LRRC4C: variants seen among roughly 807,000 people sequenced by gnomAD.
LRRC4C encodes the protein leucine rich repeat containing 4C.
In LRRC4C, 5 loss-of-function variants were observed where a neutral mutation model predicts 33.6. The observed-to-expected ratio is 0.15, with a 90% CI of 0.08 to 0.31. The LOEUF is 0.31. Ranked by LOEUF, LRRC4C falls within the 10% of genes least tolerant of loss-of-function variation. The pLI is 1.00. For missense variants in LRRC4C, 560 were observed against 796.7 expected, an observed-to-expected ratio of 0.70 and a Z score of 3.58; for synonymous variants, 329 against 302.0, an observed-to-expected ratio of 1.09 and a Z score of -0.93.
At chr11:41,006,388 C>A (rs916270543) in intron 1 of LRRC4C, among the ~76,000 whole-genome samples, 12 of 152,190 alleles carry the variant, frequency 7.9e-5, no homozygotes, top group African/African-American at 2.9e-4. Flanking sequence ...AGTGCTGTGG[C>A]AACCACATAA....
At chr11:41,255,781 C>G (rs1948780293) in intron 1 of LRRC4C, among the ~76,000 whole-genome samples, 1 of 151,848 alleles carries the variant, frequency 6.6e-6, no homozygotes, top group South Asian at 2.1e-4. Flanking sequence ...ACAGATTAAA[C>G]AACTCTGCTA....
intron 4 of LRRC4C, among the ~76,000 whole-genome samples, chr11:40,266,373 A>G (rs1443349892): frequency 6.6e-6 from 1 of 152,092 alleles, no homozygotes; most frequent in South Asian, 2.1e-4. Flanking sequence ...TTAATCCAGC[A>G]CTTTGGGAGT....
At chr11:40,843,050 T>C (rs1952986287) in intron 2 of LRRC4C, among the ~76,000 whole-genome samples, 1 of 152,190 alleles carries the variant, frequency 6.6e-6, no homozygotes, top group Admixed American at 6.6e-5. Context: ...CTATTGAGAT[T>C]CTAATCTCTA....
chr11:40,751,040 C>T (rs1023122391), intron 2 of LRRC4C, among the ~76,000 whole-genome samples: 3 of 151,314 alleles, frequency 2.0e-5, no homozygotes, highest in East Asian at 3.9e-4. Context: ...CAGTAGATGC[C>T]GAAAAACACA....
intron 1 of LRRC4C, among the ~76,000 whole-genome samples, chr11:41,027,377 G>C (rs551186208): frequency 5.6e-4 from 85 of 151,646 alleles, no homozygotes; most frequent in South Asian, 2.5e-3. Flanking sequence ...TCCATTTTCT[G>C]ACTCAGTCTT....
intron 1 of LRRC4C, among the ~76,000 whole-genome samples, chr11:41,227,879 GAATA>G (rs971372096): frequency 1.3e-5 from 2 of 151,718 alleles, no homozygotes; most frequent in African/African-American, 4.8e-5. Context: ...TTTTCTGTCT[GAATA>G]TTTTACATTC....
chr11:41,035,458 C>T (rs1857008664), intron 1 of LRRC4C, among the ~76,000 whole-genome samples: 1 of 152,072 alleles, frequency 6.6e-6, no homozygotes, highest in South Asian at 2.1e-4. Context: ...TCAACTCCCA[C>T]TTAAAAGTAA....
chr11:40,686,048 T>G (rs1418576828), intron 2 of LRRC4C, among the ~76,000 whole-genome samples: 1 of 151,968 alleles, frequency 6.6e-6, no homozygotes, highest in Non-Finnish European at 1.5e-5. Flanking sequence ...CCCACAGCAC[T>G]TTTTTCAACC....
At chr11:40,658,253 C>A (rs1943237163) in intron 2 of LRRC4C, among the ~76,000 whole-genome samples, 3 of 152,166 alleles carry the variant, frequency 2.0e-5, no homozygotes, top group African/African-American at 7.2e-5. Context: ...CTGCCCTTGG[C>A]TCTTGCCTAC....
intron 4 of LRRC4C, among the ~76,000 whole-genome samples, chr11:40,316,386 T>C (rs1945574708): frequency 6.6e-6 from 1 of 152,064 alleles, no homozygotes; most frequent in African/African-American, 2.4e-5. Flanking sequence ...GGAACTTTAC[T>C]TGTTCCAATC....
At chr11:41,303,005 T>G (rs1378476383) in intron 1 of LRRC4C, among the ~76,000 whole-genome samples, 1 of 152,204 alleles carries the variant, frequency 6.6e-6, no homozygotes, top group Non-Finnish European at 1.5e-5. Context: ...TGGTCCTGTC[T>G]TTATTAAAAT....
chr11:40,261,513 A>G (rs748017178), intron 4 of LRRC4C, among the ~76,000 whole-genome samples: 6 of 152,230 alleles, frequency 3.9e-5, no homozygotes, highest in Non-Finnish European at 7.4e-5. Flanking sequence ...TACAGAAACT[A>G]TTTTCATCTT....
rs991566691 is a variant in LRRC4C at position 40,789,129 on chromosome 11, A to G, written c.-406-140851T>C. 2.0e-5 allele frequency among the ~76,000 whole-genome samples: 3 copies of G among 151,488 alleles called. No homozygotes were observed. The South Asian group carries it at 6.2e-4, about 32-fold the overall frequency. Reference sequence around the variant, plus strand: ...AAAAAAAAAAAAAAGCATATTATAAACTTATGTGTTAGTGGGCTCATGGGT... The same window carrying G: ...AAAAAAAAAAAAAAGCATATTATAAGCTTATGTGTTAGTGGGCTCATGGGT... On this transcript the variant is annotated intron_variant, in intron 2 of 6. Coordinates refer to ENST00000528697, the MANE Select transcript of LRRC4C (RefSeq NM_001258419.2).
At chr11:40,610,239 A>G (rs1428717546) in intron 3 of LRRC4C, among the ~76,000 whole-genome samples, 1 of 152,018 alleles carries the variant, frequency 6.6e-6, no homozygotes, top group Non-Finnish European at 1.5e-5. Flanking sequence ...ATGAACATCA[A>G]CCAATGTGGT....
chr11:41,227,869 T>C (rs77645737), intron 1 of LRRC4C, among the ~76,000 whole-genome samples: 127 of 152,238 alleles, frequency 8.3e-4, no homozygotes, highest in Non-Finnish European at 1.4e-3. Flanking sequence ...TTCCCTTCCT[T>C]TTTCTGTCTG....
At chr11:40,450,014 T>C (rs997404042) in intron 3 of LRRC4C, among the ~76,000 whole-genome samples, 5 of 152,126 alleles carry the variant, frequency 3.3e-5, no homozygotes, top group Admixed American at 6.6e-5. Flanking sequence ...ATAGTGATTT[T>C]AGATTAGGTA....
intron 6 of LRRC4C, among the ~76,000 whole-genome samples, chr11:40,130,339 TC>T (rs1348496281): frequency 6.6e-6 from 1 of 152,146 alleles, no homozygotes; most frequent in Non-Finnish European, 1.5e-5. Flanking sequence ...AACTGTTGCT[TC>T]TTTTTTTCTT....
intron 2 of LRRC4C, among the ~76,000 whole-genome samples, chr11:40,907,291 A>G (rs1273300857): frequency 2.6e-5 from 4 of 152,332 alleles, no homozygotes; most frequent in African/African-American, 9.6e-5. Flanking sequence ...GGAGCAGATC[A>G]TCTTCAGATG....
At chr11:40,568,908 G>A (rs1488718570) in intron 3 of LRRC4C, among the ~76,000 whole-genome samples, 1 of 152,136 alleles carries the variant, frequency 6.6e-6, no homozygotes, top group South Asian at 2.1e-4. Context: ...AAGGATTACA[G>A]GTAAAGGTGG....
Sources: allele counts gnomAD v4.1 joint callset (sites outside exome capture counted in the v4.1 genomes callset), GRCh38; gene constraint gnomAD v4.1.1; transcripts MANE v1.5; gene names NCBI Gene and HGNC (gene_info 2026-07-23, HGNC 2026-07-21).